GLIS3: variants seen among roughly 807,000 people sequenced by gnomAD.
GLIS3 encodes the protein zinc finger protein GLIS3.
In GLIS3, 53 loss-of-function variants were observed where a neutral mutation model predicts 78.6. That is an observed-to-expected ratio of 0.67 (90% CI 0.54 to 0.85). The LOEUF is 0.85. Among genes scored for constraint, GLIS3 ranks in the 40% least tolerant of loss-of-function variants. The pLI is 0.00. For synonymous variants in GLIS3, 684 were observed against 509.9 expected (o/e 1.34, Z -4.60); for missense variants, 1,703 against 1,231.1 (o/e 1.38, Z -5.74).
the GLIS3 span, among the ~76,000 whole-genome samples, chr9:4,437,681 G>A: frequency 6.6e-6 from 1 of 152,058 alleles, no homozygotes; most frequent in Non-Finnish European, 1.5e-5. Flanking sequence ...AAGTGTGCCT[G>A]CCTTCCCTTC....
intron 1 of GLIS3, among the ~76,000 whole-genome samples, chr9:4,288,795 A>G (rs893734730): frequency 6.6e-6 from 1 of 152,234 alleles, no homozygotes; most frequent in African/African-American, 2.4e-5. Context: ...ACAGCCAGAA[A>G]GTAAAGTGAT....
intron 8 of GLIS3, among the ~76,000 whole-genome samples, chr9:3,871,850 T>C (rs1820989563): frequency 6.6e-6 from 1 of 152,230 alleles, no homozygotes; most frequent in Admixed American, 6.5e-5. Context: ...TTATGCAAAT[T>C]TATGCAGCCA....
chr9:4,352,134 G>C (rs1051855116), upstream of GLIS3, among the ~76,000 whole-genome samples: 7 of 152,174 alleles, frequency 4.6e-5, no homozygotes, highest in African/African-American at 1.7e-4. Context: ...TATTATAGAG[G>C]AAGCTTGTCT....
chr9:4,406,223 T>C, the GLIS3 span, among the ~76,000 whole-genome samples: 1 of 152,088 alleles, frequency 6.6e-6, no homozygotes, highest in Non-Finnish European at 1.5e-5. Flanking sequence ...GTCCTAGATA[T>C]AGCAATCAGA....
chr9:4,436,636 C>G, the GLIS3 span, among the ~76,000 whole-genome samples: 1 of 151,880 alleles, frequency 6.6e-6, no homozygotes, highest in African/African-American at 2.4e-5. Context: ...GAAATCCTTT[C>G]TCTACTAAAA....
intron 6 of GLIS3, among the ~76,000 whole-genome samples, chr9:3,901,938 A>C (rs1210911590): frequency 6.6e-6 from 1 of 152,240 alleles, no homozygotes; most frequent in Non-Finnish European, 1.5e-5. Context: ...CTATCATTAA[A>C]ATATGATCTG....
chr9:4,068,126 G>C (rs1037004601), intron 4 of GLIS3, among the ~76,000 whole-genome samples: 6 of 152,218 alleles, frequency 3.9e-5, no homozygotes, highest in African/African-American at 1.4e-4. Context: ...CTGGTAGTAA[G>C]CATGAATTTA....
chr9:3,953,763 C>CATTATATATATACATA (rs377114853), intron 4 of GLIS3, among the ~76,000 whole-genome samples: 7 of 119,676 alleles, frequency 5.8e-5, no homozygotes, highest in African/African-American at 1.9e-4. Context: ...TAGATTTGCT[C>CATTATATATATACATA]TCTCTCTCTC....
At chr9:4,429,623 A>ATGAC in the GLIS3 span, among the ~76,000 whole-genome samples, 2 of 152,266 alleles carry the variant, frequency 1.3e-5, no homozygotes, top group Admixed American at 1.3e-4. Flanking sequence ...ATCTATGTGT[A>ATGAC]TGACTATTTG....
upstream of GLIS3, among the ~76,000 whole-genome samples, chr9:4,304,977 G>A (rs76665680): frequency 1.2e-3 from 183 of 152,222 alleles, 2 homozygotes; most frequent in African/African-American, 3.3e-3. Context: ...ACCTGCCCCG[G>A]GTAAGAGTGT....
At chr9:3,992,591 C>G (rs1401379876) in intron 4 of GLIS3, among the ~76,000 whole-genome samples, 1 of 152,092 alleles carries the variant, frequency 6.6e-6, no homozygotes, top group African/African-American at 2.4e-5. Context: ...GTATTTATTT[C>G]CATTATTAAG....
chr9:4,409,535 C>A, the GLIS3 span, among the ~76,000 whole-genome samples: 1 of 152,010 alleles, frequency 6.6e-6, no homozygotes, highest in African/African-American at 2.4e-5. Context: ...CAGATGAACA[C>A]GCTTACTAGT....
chr9:3,921,923 T>TACACACACACAC (rs6150898), intron 6 of GLIS3, among the ~76,000 whole-genome samples: 33,586 of 149,620 alleles, frequency 0.22, 4,012 homozygotes, highest in East Asian at 0.42. Flanking sequence ...TCATACTGTG[T>TACACACACACAC]ACACACACAC....
chr9:3,883,717 T>TA (rs1821887750), intron 7 of GLIS3, among the ~76,000 whole-genome samples: 1 of 152,280 alleles, frequency 6.6e-6, no homozygotes, highest in Non-Finnish European at 1.5e-5. Context: ...CCGGGGTCAT[T>TA]ACTGCTTTCA....
At chr9:4,359,248 C>T in the GLIS3 span, among the ~76,000 whole-genome samples, 1 of 152,014 alleles carries the variant, frequency 6.6e-6, no homozygotes, top group Admixed American at 6.6e-5. Context: ...CTGAGCACTT[C>T]CTGCTTCCTG....
chr9:4,161,707 T>C (rs568468721), intron 2 of GLIS3, among the ~76,000 whole-genome samples: 1 of 148,816 alleles, frequency 6.7e-6, no homozygotes, highest in East Asian at 2.0e-4. Context: ...AGACAGAGTT[T>C]CGCTCTGTCG....
At chr9:4,384,547 TAA>T in the GLIS3 span, among the ~76,000 whole-genome samples, 4 of 149,854 alleles carry the variant, frequency 2.7e-5, no homozygotes, top group Admixed American at 2.7e-4. Flanking sequence ...TTCCTTTATA[TAA>T]TATATATAAA....
At chr9:4,376,442 G>C in the GLIS3 span, among the ~76,000 whole-genome samples, 1 of 77,670 alleles carries the variant, frequency 1.3e-5, no homozygotes, top group African/African-American at 3.9e-5. Context: ...AAACACAAGA[G>C]CAACAGAAGA....
chr9:4,038,135 C>T (rs187850455), intron 4 of GLIS3, among the ~76,000 whole-genome samples: 164 of 152,248 alleles, frequency 1.1e-3, no homozygotes, highest in African/African-American at 3.8e-3. Context: ...TTCAATGAGG[C>T]CCAAGTAAAT....
Sources: gnomAD v4.1 joint callset for allele counts (sites outside exome capture counted in the v4.1 genomes callset) on GRCh38, gnomAD v4.1.1 for gene constraint, MANE v1.5 for transcripts, NCBI Gene and HGNC (gene_info 2026-07-23, HGNC 2026-07-21) for gene names.